Variants in FBXL4 observed in about 807,000 individuals in gnomAD.
The protein encoded by FBXL4 is F-box/LRR-repeat protein 4.
FBXL4 carries 40 observed loss-of-function variants against 58.9 expected under a neutral mutation model. The ratio of observed to expected loss-of-function variants is 0.68; its 90% confidence interval spans 0.53 to 0.88. The LOEUF is 0.88. Among genes scored for constraint, FBXL4 ranks in the 40% least tolerant of loss-of-function variants. The probability of loss-of-function intolerance (pLI) is 0.00; values close to 1 mark genes in which losing one functional copy is unlikely to be tolerated. For synonymous variants in FBXL4, 263 were observed against 265.5 expected, an observed-to-expected ratio of 0.99 and a Z score of 0.09; for missense variants, 676 against 734.4, an observed-to-expected ratio of 0.92 and a Z score of 0.92.
chr6:98,875,544 A>T lies in FBXL4; in HGVS notation c.1573T>A (p.Phe525Ile), dbSNP rs1317557918. ...CPTLQSSTGCFTRLAHQLPNL... is the reference protein window; with the variant it reads ...CPTLQSSTGCITRLAHQLPNL... ...GGGAGCTGGTGTGCCAGTCTGGTGA[A>T]GCACCCGGTGCTGCTCTGCAGAGTT... Residue 525 changes from phenylalanine to isoleucine, a missense_variant, in exon 9 of 10, where the codon TTC (phenylalanine) becomes ATC (isoleucine). By Grantham distance (21) the Phe-to-Ile change is conservative. Coordinates refer to ENST00000369244, the MANE Select transcript of FBXL4 (RefSeq NM_001278716.2). The T allele has an allele frequency of 6.2e-7, 1 of 1,614,154 alleles. No homozygotes were observed. The highest frequency in any genetic ancestry group is 8.5e-7 in the Non-Finnish European group (1 of 1,180,008).
In FBXL4 at chr6:98,914,878, T is replaced by C. The variant is rs1484080069; in HGVS notation, c.858+2496A>G. 3.3e-5 allele frequency among the ~76,000 whole-genome samples: 5 copies of C among 152,188 alleles called. No homozygotes were observed. In the South Asian group the frequency reaches 1.0e-3, roughly 31 times the overall value. On this transcript the variant is annotated intron_variant, in intron 5 of 9. Coordinates refer to ENST00000369244, the MANE Select transcript of FBXL4 (RefSeq NM_001278716.2). Reference sequence around the variant, plus strand: ...CAATTAGGAAAAGAGGAAGTCAAATTGTCCCTGTTTGCACACAACATGATT... The same window carrying C: ...CAATTAGGAAAAGAGGAAGTCAAATCGTCCCTGTTTGCACACAACATGATT...
At chr6:98,924,059 A>C (rs1318418754) in intron 4 of FBXL4, among the ~76,000 whole-genome samples, 1 of 152,212 alleles carries the variant, frequency 6.6e-6, no homozygotes, top group Non-Finnish European at 1.5e-5. Flanking sequence ...TTTTAACTTT[A>C]ATCACAACCA....
rs1199225667 is a variant in FBXL4 at position 98,873,889 on chromosome 6, T to G, written c.*389A>C. ...AACACTTGCCAGGTCACAGGCTTAA[T>G]AAGACATCCTTACATGAAGGTGTAA... On this transcript the variant is annotated 3_prime_UTR_variant, in exon 10 of 10. Coordinates refer to ENST00000369244, the MANE Select transcript of FBXL4 (RefSeq NM_001278716.2). 6.4e-6 allele frequency: 1 copy of G among 156,428 alleles called. No individual in the cohort carries two copies. The highest frequency in any genetic ancestry group is 1.4e-5 in the Non-Finnish European group (1 of 71,198). The allele number at this position is 156,428 out of a possible 1,614,324, so 9.7% of individuals were successfully genotyped here.
rs578014734 is a variant in FBXL4, at chr6:98,871,412, C to T, written c.*2866G>A. The T allele has an allele frequency of 1.3e-5, 2 of 152,226 alleles. No homozygotes were observed. The highest frequency in any genetic ancestry group is 2.1e-4 in the South Asian group (1 of 4,824). 9.4% of individuals were successfully genotyped at this position (152,226 alleles called of 1,614,324 possible). On this transcript the variant is annotated 3_prime_UTR_variant, in exon 10 of 10. Coordinates refer to ENST00000369244, the MANE Select transcript of FBXL4 (RefSeq NM_001278716.2). Reference sequence around the variant, plus strand: ...TGCTTATTTGATAAGTCAATGCCAACGTTGAAGTGACTGAAATTAGTCTCT... The same window carrying T: ...TGCTTATTTGATAAGTCAATGCCAATGTTGAAGTGACTGAAATTAGTCTCT...
chr6:98,903,377 TTTC>T (rs1334832686), intron 6 of FBXL4, among the ~76,000 whole-genome samples: 1 of 152,132 alleles, frequency 6.6e-6, no homozygotes, highest in Non-Finnish European at 1.5e-5. Flanking sequence ...ACCTCAACTT[TTTC>T]TTTTCTTAAT....
intron 4 of FBXL4, among the ~76,000 whole-genome samples, chr6:98,923,579 C>T (rs1340750870): frequency 2.6e-5 from 4 of 152,160 alleles, no homozygotes; most frequent in Admixed American, 2.6e-4. Flanking sequence ...CCTCAGGTCC[C>T]AGGTAAGTCA....
In FBXL4 at chr6:98,869,567, T is replaced by C. The variant is rs13194064; in HGVS notation, c.*4711A>G. On this transcript the variant is annotated 3_prime_UTR_variant, in exon 10 of 10. Transcript: ENST00000369244. Reference sequence around the variant, plus strand: ...TCGCTTGAGCCTGGGAGACTGAGGCTGCAGTAAGCTGAGATCATGCCACTG... The same window carrying C: ...TCGCTTGAGCCTGGGAGACTGAGGCCGCAGTAAGCTGAGATCATGCCACTG... The C allele has an allele frequency of 0.16, 24,242 of 152,470 alleles. 2,317 individuals carry two copies. The highest frequency in any genetic ancestry group is 0.47 in the East Asian group (2,435 of 5,168). The allele number at this position is 152,470 out of a possible 1,614,324, so 9.4% of individuals were successfully genotyped here. A position where few individuals can be genotyped will look rare whatever the true frequency, so the allele number is the denominator to read the frequency against.
chr6:98,944,561 G>C (rs1328101172), intron 1 of FBXL4, among the ~76,000 whole-genome samples: 1 of 152,034 alleles, frequency 6.6e-6, no homozygotes, highest in Non-Finnish European at 1.5e-5. Flanking sequence ...ATCTTAGCAG[G>C]CCTCTCAAGT....
intron 7 of FBXL4, among the ~76,000 whole-genome samples, chr6:98,890,343 T>G (rs1582381636): frequency 6.6e-6 from 1 of 152,172 alleles, no homozygotes; most frequent in Admixed American, 6.5e-5. Flanking sequence ...ATAGACTAGT[T>G]ATATAACGTG....
In FBXL4 at chr6:98,871,432, G is replaced by C. The variant is rs2128373137; in HGVS notation, c.*2846C>G. On this transcript the variant is annotated 3_prime_UTR_variant, in exon 10 of 10. Coordinates refer to ENST00000369244, the MANE Select transcript of FBXL4 (RefSeq NM_001278716.2). The stretch of plus-strand genomic sequence containing the variant: ...GCCAACGTTGAAGTGACTGAAATTA[G>C]TCTCTATGAATTATCTGTGTGGCAC... 6.6e-6 allele frequency: 1 copy of C among 152,278 alleles called. No individual in the cohort carries two copies. Among genetic ancestry groups the C allele is most frequent in the South Asian group, 2.1e-4 (1 of 4,826 alleles). The allele number at this position is 152,278 out of a possible 1,614,324, so 9.4% of individuals were successfully genotyped here.
At chr6:98,896,543 G>T (rs1389721459) in intron 7 of FBXL4, among the ~76,000 whole-genome samples, 1 of 152,134 alleles carries the variant, frequency 6.6e-6, no homozygotes, top group African/African-American at 2.4e-5. Context: ...GCCTGGGTAA[G>T]ATTTTCTAAA....
intron 1 of FBXL4, among the ~76,000 whole-genome samples, chr6:98,935,517 C>T (rs1189094168): frequency 6.6e-6 from 1 of 151,942 alleles, no homozygotes; most frequent in South Asian, 2.1e-4. Context: ...GGGCCGGGCG[C>T]GGTGGCTCAC....
intron 7 of FBXL4, among the ~76,000 whole-genome samples, chr6:98,885,200 T>G (rs2128381787): frequency 6.6e-6 from 1 of 152,268 alleles, no homozygotes; most frequent in Admixed American, 6.5e-5. Flanking sequence ...GACTCCCTGG[T>G]TTAAGCGATT....
At chr6:98,896,374 T>C (rs1771410981) in intron 7 of FBXL4, among the ~76,000 whole-genome samples, 1 of 152,176 alleles carries the variant, frequency 6.6e-6, no homozygotes, top group Non-Finnish European at 1.5e-5. Context: ...CTTCTGTTTG[T>C]TTTTAAAGAA....
chr6:98,916,835 A>AC (rs1772375982), intron 5 of FBXL4, among the ~76,000 whole-genome samples: 1 of 151,594 alleles, frequency 6.6e-6, no homozygotes, highest in African/African-American at 2.4e-5. Context: ...AAAACTAAAA[A>AC]AAAAAAAAAG....
chr6:98,896,631 T>C (rs1251844170), intron 7 of FBXL4: 2 of 363,018 alleles, frequency 5.5e-6, no homozygotes, highest in East Asian at 3.3e-4. Context: ...GAAAACTCAG[T>C]TTTATAATTT....
chr6:98,941,895 A>T (rs1311023536), intron 1 of FBXL4, among the ~76,000 whole-genome samples: 1 of 152,160 alleles, frequency 6.6e-6, no homozygotes, highest in Non-Finnish European at 1.5e-5. Context: ...GTTAATTAAT[A>T]GGTTATAGGA....
rs142619518 is a variant in FBXL4 at position 98,947,764 on chromosome 6, GAC to G, written c.-309+40_-309+41del. On this transcript the variant is annotated intron_variant, in intron 1 of 9. Coordinates refer to ENST00000369244, the MANE Select transcript of FBXL4 (RefSeq NM_001278716.2). ...CCCCGCCCCGGCGCCAAAGGAAGAA[GAC>G]AGAGACCCACGGGAGGGAGAAGTAA... 0.35 allele frequency: 53,318 copies of G among 152,098 alleles called. 9,805 individuals are homozygous for G. Among genetic ancestry groups the G allele is most frequent in the Middle Eastern group, 0.45 (133 of 294 alleles). 9.4% of individuals were successfully genotyped at this position (152,098 alleles called of 1,614,324 possible).
At position 98,873,894 on chromosome 6, in the gene FBXL4, C is replaced by T. The variant is rs1770561759; in HGVS notation, c.*384G>A. ...TTGCCAGGTCACAGGCTTAATAAGA[C>T]ATCCTTACATGAAGGTGTAAAAAAT... On this transcript the variant is annotated 3_prime_UTR_variant, in exon 10 of 10. Transcript: ENST00000369244. The T allele has an allele frequency of 6.4e-6, 1 of 156,596 alleles. No individual in the cohort carries two copies. The highest frequency in any genetic ancestry group is 1.4e-5 in the Non-Finnish European group (1 of 71,324). 9.7% of individuals were successfully genotyped at this position (156,596 alleles called of 1,614,324 possible). A position where few individuals can be genotyped will look rare whatever the true frequency, so the allele number is the denominator to read the frequency against.
Sources: gnomAD v4.1 joint callset for allele counts (sites outside exome capture counted in the v4.1 genomes callset) on GRCh38, gnomAD v4.1.1 for gene constraint, MANE v1.5 for transcripts, NCBI Gene and HGNC (gene_info 2026-07-23, HGNC 2026-07-21) for gene names.